The following UNC80 variants were observed in gnomAD, a reference collection of about 807,000 sequenced individuals.
UNC80 encodes unc-80 subunit of NALCN channel complex, also known as protein unc-80 homolog.
In UNC80, 164 loss-of-function variants were observed where a neutral mutation model predicts 384.6. The ratio of observed to expected loss-of-function variants is 0.43; its 90% CI spans 0.38 to 0.49. The LOEUF (loss-of-function observed/expected upper bound fraction) is 0.49, where lower values mean the gene tolerates loss of function less well. UNC80 is among the 20% of genes least tolerant of loss of function. UNC80 has a pLI of 0.00. For synonymous variants in UNC80, 1,486 were observed against 1,527.8 expected (o/e 0.97, Z 0.64); for missense variants, 3,330 against 4,143.0 (o/e 0.80, Z 5.39).
chr2:209,919,567 C>T (rs186421742), intron 33 of UNC80, among the ~76,000 whole-genome samples: 1 of 152,208 alleles, frequency 6.6e-6, no homozygotes, highest in Non-Finnish European at 1.5e-5. Flanking sequence ...TTTATTCATA[C>T]TTCTTTGAAA....
At chr2:209,958,001 G>A (rs2092471053) in intron 49 of UNC80, among the ~76,000 whole-genome samples, 1 of 151,864 alleles carries the variant, frequency 6.6e-6, no homozygotes, top group Non-Finnish European at 1.5e-5. Flanking sequence ...CTGCCTCCTG[G>A]GTGGTCTTTG....
At chr2:209,906,343 G>A (rs1019838802) in intron 29 of UNC80, among the ~76,000 whole-genome samples, 2 of 152,064 alleles carry the variant, frequency 1.3e-5, no homozygotes, top group African/African-American at 4.8e-5. Flanking sequence ...TATATCTGAT[G>A]TACCTCTTAA....
chr2:209,777,210 C>T (rs778074563), intron 3 of UNC80, 48 bp from the exon 4 acceptor site: 15 of 1,526,264 alleles, frequency 9.8e-6, no homozygotes, highest in Non-Finnish European at 1.2e-5. Context: ...ATCTATTGCC[C>T]TGGTCACAGA....
At chr2:209,794,246 G>A (rs1406677739) in intron 7 of UNC80, among the ~76,000 whole-genome samples, 1 of 152,244 alleles carries the variant, frequency 6.6e-6, no homozygotes, top group Non-Finnish European at 1.5e-5. Context: ...AAATCACATA[G>A]GAATTTAAAA....
At chr2:209,812,777 TC>T in intron 7 of UNC80, among the ~76,000 whole-genome samples, 1 of 152,202 alleles carries the variant, frequency 6.6e-6, no homozygotes, top group East Asian at 1.9e-4. Context: ...ACACAAACAT[TC>T]AATTTGTTGA....
At chr2:209,885,911 C>T (rs1192006322) in intron 25 of UNC80, among the ~76,000 whole-genome samples, 1 of 151,892 alleles carries the variant, frequency 6.6e-6, no homozygotes, top group African/African-American at 2.4e-5. Context: ...ACTACAGGCA[C>T]CTGCCATCAC....
chr2:209,839,245 A>G lies in UNC80; in HGVS notation c.3065A>G (p.Asn1022Ser), dbSNP rs1419226539. ...AGCGATGAACAAATGCAAGGAGCCA[A>G]CTTGGGGCGGAAAGATTTCTGGCGT... ...PEHDEQMQGA[N>S]LGRKDFWRKM... The change falls in exon 19 of 65, where the codon AAC (asparagine) becomes AGC (serine). Residue 1022 changes from asparagine to serine, a missense_variant. Asn to Ser is a conservative substitution (Grantham distance 46). Transcript: ENST00000673920. The surrounding 1 kb of genome is among the most constrained non-coding windows in gnomAD (Gnocchi z 4.1). 5.2e-6 allele frequency: 8 copies of G among 1,551,486 alleles called. No individual in the cohort carries two copies. The South Asian group carries it at 5.9e-5, about 12-fold the overall frequency.
At chr2:209,802,485 GGAACTCTGTGA>G (rs2078627395) in intron 7 of UNC80, among the ~76,000 whole-genome samples, 1 of 152,102 alleles carries the variant, frequency 6.6e-6, no homozygotes. Context: ...TAATATGGAA[GGAACTCTGTGA>G]GGATAATCAA....
Position 209,917,952 on chromosome 2 carries a change from T to C in UNC80, c.5205T>C (p.Ile1735=). 1 of 1,551,604 alleles carries C rather than the reference T, an allele frequency of 6.4e-7. No homozygotes were observed. The highest frequency in any genetic ancestry group is 8.7e-7 in the Non-Finnish European group (1 of 1,146,922). Residue 1735 remains isoleucine, a synonymous_variant, in exon 32 of 65, where the codon ATT becomes ATC. Coordinates refer to ENST00000673920, the MANE Select transcript of UNC80 (RefSeq NM_001371986.1). ...WPRMEEGAQQ[I]FKIPPPSINF... ...GGATGGAGGAAGGGGCACAGCAGATTTTTAAGGTGAGGGATACTTCTCACA... is the reference window on the plus strand; with the variant it reads ...GGATGGAGGAAGGGGCACAGCAGATCTTTAAGGTGAGGGATACTTCTCACA...
Position 209,973,229 on chromosome 2 carries a change from G to A in UNC80, c.8546G>A (p.Arg2849Lys), listed in dbSNP as rs2092927449. Residue 2849 changes from arginine (R) to lysine (K), a missense_variant, in exon 56 of 65, where the codon AGG (arginine) becomes AAG (lysine). Around this residue, in one of 8 missense-constraint regions of UNC80, gnomAD observed 1,049 missense variants for 1,488.6 expected, o/e 0.70. Transcript: ENST00000673920. ...GGGGATGCGGGGAAAGACTTGCGCA[G>A]GGAAGGGCTGGCTGAGTCCACCAGC... ...TPGDAGKDLR[R>K]EGLAESTSQA... is the part of the protein sequence containing the mutation. The A allele has an allele frequency of 6.4e-7, 1 of 1,551,590 alleles. No homozygotes were observed. The highest frequency in any genetic ancestry group is 8.7e-7 in the Non-Finnish European group (1 of 1,147,006).
intron 47 of UNC80, among the ~76,000 whole-genome samples, chr2:209,951,232 T>C (rs575896432): frequency 6.6e-6 from 1 of 152,128 alleles, no homozygotes; most frequent in South Asian, 2.1e-4. Context: ...TACTGACTTA[T>C]CATATCTGTT....
intron 4 of UNC80, among the ~76,000 whole-genome samples, chr2:209,784,877 T>C (rs2077340613): frequency 6.6e-6 from 1 of 152,248 alleles, no homozygotes; most frequent in South Asian, 2.1e-4. Context: ...TCTAAAGACT[T>C]TCCCATTGTG....
rs2080972139 is a variant in UNC80, at chr2:209,831,605, C to T, written c.2775+14C>T. The T allele has an allele frequency of 2.0e-6, 3 of 1,526,714 alleles. No homozygotes were observed. Among genetic ancestry groups the T allele is most frequent in the Non-Finnish European group, 2.6e-6 (3 of 1,135,404 alleles). 94.6% of individuals were successfully genotyped at this position (1,526,714 alleles called of 1,614,324 possible). A position where few individuals can be genotyped will look rare whatever the true frequency, so the allele number is the denominator to read the frequency against. Reference sequence around the variant, plus strand: ...CCTGAGAATCTGGTGAGAAGCTCTCCTCTCTTCCCACAGGAGCTCTCAGTC... The same window carrying T: ...CCTGAGAATCTGGTGAGAAGCTCTCTTCTCTTCCCACAGGAGCTCTCAGTC... On this transcript the variant is annotated intron_variant, in intron 16 of 64. Coordinates refer to ENST00000673920, the MANE Select transcript of UNC80 (RefSeq NM_001371986.1).
At position 209,978,620 on chromosome 2, in the gene UNC80, C is replaced by T. The variant is rs1394788215; in HGVS notation, c.9030C>T (p.Gly3010=). Reference sequence around the variant, plus strand: ...CCACCATGTCCCGCTCTAACACGGGCACGGGCACTGTCTGGGAGCAGGACA... The same window carrying T: ...CCACCATGTCCCGCTCTAACACGGGTACGGGCACTGTCTGGGAGCAGGACA... The part of the protein sequence containing the change: ...SLATMSRSNT[G]TGTVWEQDSE... The change falls in exon 59 of 65, where the codon GGC becomes GGT. Residue 3010 remains glycine, a synonymous_variant. Coordinates refer to ENST00000673920, the MANE Select transcript of UNC80 (RefSeq NM_001371986.1). 5 of 1,551,440 alleles carry T rather than the reference C, an allele frequency of 3.2e-6. No homozygotes were observed. Among genetic ancestry groups the T allele is most frequent in the East Asian group, 4.9e-5 (2 of 40,922 alleles).
rs540490052 is a variant in UNC80 at position 209,792,642 on chromosome 2, C to T, written c.799-1078C>T. ...GATTACAGGCATGAGCCACCGCGCC[C>T]GGTTCCATCTTAATACTTTTTATAT... On this transcript the variant is annotated intron_variant, in intron 6 of 64. Transcript: ENST00000673920. Among the ~76,000 whole-genome samples, 305 of 152,222 alleles carry T rather than the reference C, an allele frequency of 2.0e-3. 2 individuals are homozygous for T. Among genetic ancestry groups the T allele is most frequent in the African/African-American group, 7.2e-3 (299 of 41,556 alleles).
chr2:209,995,970 TA>T lies in UNC80; in HGVS notation c.*376del, dbSNP rs1205253795. On this transcript the variant is annotated 3_prime_UTR_variant, in exon 65 of 65. Coordinates refer to ENST00000673920, the MANE Select transcript of UNC80 (RefSeq NM_001371986.1). ...AAAATAGAATGCAATTTTTTGAGAT[TA>T]CTCACATTATACATCTCATGCAAAT... is the stretch of plus-strand genomic sequence containing the variant. 2 of 170,352 alleles carry T rather than the reference TA, an allele frequency of 1.2e-5. No homozygotes were observed. The highest frequency in any genetic ancestry group is 4.8e-5 in the African/African-American group (2 of 41,808). 10.6% of individuals were successfully genotyped at this position (170,352 alleles called of 1,614,324 possible).
chr2:209,822,705 T>A (rs2080227776), intron 13 of UNC80, among the ~76,000 whole-genome samples: 1 of 152,168 alleles, frequency 6.6e-6, no homozygotes, highest in South Asian at 2.1e-4. Context: ...TTTCCTTTTT[T>A]AGCTTTGAAA....
intron 53 of UNC80, among the ~76,000 whole-genome samples, chr2:209,970,573 G>C (rs1438074946): frequency 6.6e-6 from 1 of 152,146 alleles, no homozygotes; most frequent in Non-Finnish European, 1.5e-5. Flanking sequence ...GATTAGAATA[G>C]CTTTTTGGTT....
chr2:209,780,583 G>A (rs912592720), intron 4 of UNC80, among the ~76,000 whole-genome samples: 4 of 152,170 alleles, frequency 2.6e-5, no homozygotes, highest in Non-Finnish European at 5.9e-5. Flanking sequence ...CCTATGCATT[G>A]TAGGATATTT....
Sources: gnomAD v4.1 joint callset for allele counts (sites outside exome capture counted in the v4.1 genomes callset) on GRCh38, gnomAD v4.1.1 for gene constraint, gnomAD v4.1.1 regional missense constraint, Gnocchi (gnomAD v3.1) non-coding constraint, MANE v1.5 for transcripts, NCBI Gene and HGNC (gene_info 2026-07-23, HGNC 2026-07-21) for gene names.